ESYT2: variants seen among roughly 807,000 people sequenced by gnomAD.
The protein encoded by ESYT2 is extended synaptotagmin 2.
Under a neutral mutation model 107.2 loss-of-function variants are expected in ESYT2, and 54 were observed. The ratio of observed to expected loss-of-function variants is 0.50; its 90% CI spans 0.40 to 0.63. The LOEUF is 0.63. ESYT2 is among the 30% of genes least tolerant of loss of function. The pLI, the probability that ESYT2 is intolerant of heterozygous loss-of-function variation, is 0.00. For synonymous variants in ESYT2, 491 were observed against 434.1 expected (o/e 1.13, Z -1.63); for missense variants, 1,020 against 1,094.5 (o/e 0.93, Z 0.96).
At chr7:158,816,233 C>A (rs1840145921) in intron 1 of ESYT2, among the ~76,000 whole-genome samples, 2 of 152,080 alleles carry the variant, frequency 1.3e-5, no homozygotes, top group Non-Finnish European at 2.9e-5. Flanking sequence ...GCCTGTAGTC[C>A]CAGATACTCG....
Position 158,829,254 on chromosome 7 carries a change from G to T in ESYT2, c.165C>A (p.Tyr55Ter). The T allele has an allele frequency of 6.6e-7, 1 of 1,526,460 alleles. No individual in the cohort carries two copies. Among genetic ancestry groups the T allele is most frequent in the Non-Finnish European group, 8.7e-7 (1 of 1,145,328 alleles). 94.6% of individuals were successfully genotyped at this position (1,526,460 alleles called of 1,614,324 possible). A position where few individuals can be genotyped will look rare whatever the true frequency, so the allele number is the denominator to read the frequency against. The change falls in exon 1 of 23, where the codon TAC (tyrosine) becomes TAA (stop). Residue 55 changes from tyrosine to a stop codon, truncating the protein, a stop_gained. Coordinates refer to ENST00000275418, the MANE Select transcript of ESYT2 (RefSeq NM_001367773.1). LOFTEE classifies it high-confidence loss of function. ...ALLLPVYALG[Y>*]LGLSFSWVLL... ...GAACCCAGCTGAAGCTGAGCCCCAGGTAGCCCAGCGCGTACACGGGCAGCA... is the reference window on the plus strand; with the variant it reads ...GAACCCAGCTGAAGCTGAGCCCCAGTTAGCCCAGCGCGTACACGGGCAGCA...
chr7:158,765,445 T>C (rs1317007162), intron 8 of ESYT2, among the ~76,000 whole-genome samples: 1 of 152,202 alleles, frequency 6.6e-6, no homozygotes, highest in Non-Finnish European at 1.5e-5. Context: ...ACTTTAAACA[T>C]AGTCTTGGCC....
intron 11 of ESYT2, among the ~76,000 whole-genome samples, chr7:158,760,896 AG>A (rs1274343486): frequency 1.3e-5 from 2 of 152,228 alleles, no homozygotes; most frequent in African/African-American, 2.4e-5. Context: ...TGAACACTCA[AG>A]GGAAGGAAAC....
chr7:158,766,284 A>G (rs891718413), intron 8 of ESYT2, among the ~76,000 whole-genome samples: 2 of 152,194 alleles, frequency 1.3e-5, no homozygotes, highest in South Asian at 2.1e-4. Context: ...ATATTTTCAC[A>G]TGTCTAAAGT....
chr7:158,733,218 T>G lies in ESYT2; in HGVS notation c.*989A>C, dbSNP rs1836804950. ...CAATAATGAGATCGAGCTTTCAATT[T>G]TTAATGCAATATCCTGTCTACTCAC... On this transcript the variant is annotated 3_prime_UTR_variant, in exon 23 of 23. Coordinates refer to ENST00000275418, the MANE Select transcript of ESYT2 (RefSeq NM_001367773.1). 6.6e-6 allele frequency: 1 copy of G among 152,236 alleles called. No individual in the cohort carries two copies. Among genetic ancestry groups the G allele is most frequent in the African/African-American group, 2.4e-5 (1 of 41,456 alleles). 9.4% of individuals were successfully genotyped at this position (152,236 alleles called of 1,614,324 possible). A position where few individuals can be genotyped will look rare whatever the true frequency, so the allele number is the denominator to read the frequency against.
At chr7:158,751,880 G>A (rs537261629) in intron 14 of ESYT2, among the ~76,000 whole-genome samples, 2 of 152,214 alleles carry the variant, frequency 1.3e-5, no homozygotes, top group South Asian at 4.2e-4. Context: ...TGTTCTGGAG[G>A]GCACAGTTAT....
chr7:158,798,740 T>C (rs944238496), intron 2 of ESYT2, among the ~76,000 whole-genome samples: 2 of 151,732 alleles, frequency 1.3e-5, no homozygotes, highest in Non-Finnish European at 2.9e-5. Context: ...TTAAAACTTA[T>C]GATTGTTATA....
intron 7 of ESYT2, among the ~76,000 whole-genome samples, chr7:158,768,887 T>C (rs1027869499): frequency 5.3e-5 from 8 of 152,178 alleles, no homozygotes; most frequent in African/African-American, 1.9e-4. Context: ...AACAAACATA[T>C]ATATATGTCC....
Position 158,759,493 on chromosome 7 carries a change from T to C in ESYT2, c.1412A>G (p.Asn471Ser), listed in dbSNP as rs759143495. Residue 471 changes from asparagine to serine, a missense_variant, in exon 13 of 23, where the codon AAC becomes AGC. Coordinates refer to ENST00000275418, the MANE Select transcript of ESYT2 (RefSeq NM_001367773.1). ...TACCACTGTGTTACCTACCGGAAGG[T>C]TCCTTGCTGAATCCAAGTACAAGAT... ...LLILYLDSAR[N>S]LPSNPLEFNP... 1.9e-6 allele frequency: 3 copies of C among 1,609,994 alleles called. No homozygotes were observed. The highest frequency in any genetic ancestry group is 2.7e-5 in the African/African-American group (2 of 74,824).
intron 20 of ESYT2, among the ~76,000 whole-genome samples, chr7:158,736,128 C>G (rs34925038): frequency 0.24 from 36,065 of 152,162 alleles, 5,151 homozygotes; most frequent in East Asian, 0.59. Context: ...GTCTCTCCTC[C>G]GGGCTGCGGG....
At chr7:158,820,725 G>A (rs574398932) in intron 1 of ESYT2, among the ~76,000 whole-genome samples, 105 of 152,340 alleles carry the variant, frequency 6.9e-4, no homozygotes, top group Non-Finnish European at 1.2e-3. Flanking sequence ...GGTTGAGGCT[G>A]CAGTGAGCCA....
In ESYT2 at chr7:158,801,173, CCATTCTATTCTGGAATGAA is replaced by C. The variant is rs1193238968; in HGVS notation, c.331-2120_331-2102del. ...CACGGGAGGAGCTGCCTGTAGTGCC[CCATTCTATTCTGGAATGAA>C]CAGAGAAACCCTCTGCCCAAATAAG... On this transcript the variant is annotated intron_variant, in intron 1 of 22. Coordinates refer to ENST00000275418, the MANE Select transcript of ESYT2 (RefSeq NM_001367773.1). Among the ~76,000 whole-genome samples, 4 of 152,182 alleles carry C rather than the reference CCATTCTATTCTGGAATGAA, an allele frequency of 2.6e-5. No homozygotes were observed. The South Asian group carries it at 6.2e-4, about 24-fold the overall frequency.
In ESYT2 at chr7:158,763,102, T is replaced by C; in HGVS notation, c.1165A>G (p.Lys389Glu). Reference protein sequence around the residue: ...EIELFDEDPDKDDFLGSLMID... With the variant: ...EIELFDEDPDEDDFLGSLMID... ...ATTTACCTTCCTAAAAAGTCATCCTTGTCTGGGTCTTCATCAAAGAGCTCA... is the reference window on the plus strand; with the variant it reads ...ATTTACCTTCCTAAAAAGTCATCCTCGTCTGGGTCTTCATCAAAGAGCTCA... Residue 389 changes from lysine (K) to glutamate (E), a missense_variant, in exon 10 of 23, where the codon AAG (lysine) becomes GAG (glutamate). Physicochemically the swap from Lys to Glu is moderately conservative, Grantham distance 56 (BLOSUM62 1). Transcript: ENST00000275418. 2 of 1,613,040 alleles carry C rather than the reference T, an allele frequency of 1.2e-6. No individual in the cohort carries two copies. Among genetic ancestry groups the C allele is most frequent in the Non-Finnish European group, 1.7e-6 (2 of 1,179,374 alleles).
chr7:158,823,067 C>T (rs761475150), intron 1 of ESYT2, among the ~76,000 whole-genome samples: 1 of 149,994 alleles, frequency 6.7e-6, no homozygotes, highest in South Asian at 2.1e-4. Context: ...CTGAGGCAGG[C>T]GGATTGCCTG....
intron 6 of ESYT2, among the ~76,000 whole-genome samples, chr7:158,780,364 C>T (rs1838730576): frequency 6.6e-6 from 1 of 152,144 alleles, no homozygotes; most frequent in South Asian, 2.1e-4. Context: ...AGCACATGTG[C>T]CACATAAGCA....
intron 19 of ESYT2, 121 bp from the exon 20 acceptor site, chr7:158,737,300 A>G: frequency 7.5e-7 from 1 of 1,334,412 alleles, no homozygotes; most frequent in Middle Eastern, 2.8e-4. Context: ...AGAAGCAACA[A>G]GGAACAGAAT....
At chr7:158,822,206 A>G (rs1840305284) in intron 1 of ESYT2, among the ~76,000 whole-genome samples, 1 of 152,230 alleles carries the variant, frequency 6.6e-6, no homozygotes, top group African/African-American at 2.4e-5. Context: ...GAGACGACAA[A>G]AGACCACAAT....
chr7:158,776,260 TAA>T lies in ESYT2; in HGVS notation c.748-2866_748-2865del, dbSNP rs75828579. On this transcript the variant is annotated intron_variant, in intron 6 of 22. Transcript: ENST00000275418. Reference sequence around the variant, plus strand: ...TGGGAAATGAGTGCTTACTTCAACTTAAAGTCACCACCTGCATTAGCTGTGAC... The same window carrying T: ...TGGGAAATGAGTGCTTACTTCAACTTAGTCACCACCTGCATTAGCTGTGAC... 5.3e-3 allele frequency among the ~76,000 whole-genome samples: 809 copies of T among 152,314 alleles called. 45 individuals are homozygous for T. The East Asian group carries it at 0.12, about 22-fold the overall frequency.
At position 158,793,729 on chromosome 7, in the gene ESYT2, G is replaced by A. The variant is rs1839377123; in HGVS notation, c.508-3C>T. ...TTAACACCATTGATCCTGAGGGGCTGAAATAAGAAGTAGCTTATTTTAAGA... is the reference window on the plus strand; with the variant it reads ...TTAACACCATTGATCCTGAGGGGCTAAAATAAGAAGTAGCTTATTTTAAGA... On this transcript the variant is annotated splice_region_variant and splice_polypyrimidine_tract_variant and intron_variant, in intron 3 of 22. Coordinates refer to ENST00000275418, the MANE Select transcript of ESYT2 (RefSeq NM_001367773.1). The A allele has an allele frequency of 6.2e-7, 1 of 1,609,862 alleles. No individual in the cohort carries two copies. Among genetic ancestry groups the A allele is most frequent in the Non-Finnish European group, 8.5e-7 (1 of 1,177,938 alleles).
Sources: allele counts gnomAD v4.1 joint callset (sites outside exome capture counted in the v4.1 genomes callset), GRCh38; gene constraint gnomAD v4.1.1; transcripts MANE v1.5; gene names NCBI Gene and HGNC (gene_info 2026-07-23, HGNC 2026-07-21).